OPRM1: variants seen among roughly 807,000 people sequenced by gnomAD.
OPRM1 encodes mu-type opioid receptor.
A neutral mutation model predicts 31.8 loss-of-function variants in OPRM1; 27 were observed. That is an observed-to-expected ratio of 0.85 (90% confidence interval 0.63 to 1.17). OPRM1 has a LOEUF of 1.17. Among genes scored for constraint, OPRM1 ranks in the 50% most tolerant of loss-of-function variants. The pLI is 0.00. For synonymous variants in OPRM1, 196 were observed against 189.9 expected, an observed-to-expected ratio of 1.03 and a Z score of -0.26; for missense variants, 536 against 511.1, an observed-to-expected ratio of 1.05 and a Z score of -0.47.
intron 1 of OPRM1, among the ~76,000 whole-genome samples, chr6:154,021,861 A>G (rs145880631): frequency 0.027 from 4,057 of 151,474 alleles, 168 homozygotes; most frequent in African/African-American, 0.094. Flanking sequence ...TTTTTGGTCA[A>G]CTCTTTCAGA....
rs1186937289 is a variant in OPRM1, at chr6:154,121,664, C to T, written c.*2943C>T. Among the ~76,000 whole-genome samples, 3 of 152,168 alleles carry T rather than the reference C, an allele frequency of 2.0e-5. No individual in the cohort carries two copies. The highest frequency in any genetic ancestry group is 4.4e-5 in the Non-Finnish European group (3 of 68,028). ...ATTACCCAAAAGATGCTAACAAATT[C>T]TGTTTCCCACATTGTCACAGCATGC... On this transcript the variant is annotated 3_prime_UTR_variant, in exon 4 of 4. Transcript: ENST00000330432.
rs944374376 is a variant in OPRM1, at chr6:154,138,025, C to T, written c.1164+46553C>T. ...AGATATAAAAAGACATAGTCTTCCC[C>T]TTCAAGGACTTCTGAGCCCAGTAGA... On this transcript the variant is annotated intron_variant, in intron 3 of 3. Transcript: ENST00000337049. 5.3e-5 allele frequency among the ~76,000 whole-genome samples: 8 copies of T among 152,178 alleles called. No individual in the cohort carries two copies. The East Asian group carries it at 1.5e-3, about 29-fold the overall frequency.
At chr6:154,201,165 T>C (rs1777039177) in intron 3 of OPRM1, among the ~76,000 whole-genome samples, 1 of 152,196 alleles carries the variant, frequency 6.6e-6, no homozygotes, top group African/African-American at 2.4e-5. Flanking sequence ...GAACTGTGAG[T>C]CAATTAAAAT....
rs904556180 is a variant in OPRM1, at chr6:154,130,460, G to T, written c.*11739G>T. Among the ~76,000 whole-genome samples the T allele has an allele frequency of 6.6e-6, 1 of 151,948 alleles. No homozygotes were observed. The highest frequency in any genetic ancestry group is 2.4e-5 in the African/African-American group (1 of 41,354). On this transcript the variant is annotated 3_prime_UTR_variant, in exon 4 of 4. Transcript: ENST00000330432. ...TGGGATTACAGGTGTGAGCCACTGC[G>T]CCTGGCCAGAAATGTTTAAAATTTC...
At chr6:154,050,045 C>T (rs550065578) in intron 1 of OPRM1, among the ~76,000 whole-genome samples, 8 of 152,164 alleles carry the variant, frequency 5.3e-5, no homozygotes, top group Non-Finnish European at 1.0e-4. Context: ...TTCCTTCCTC[C>T]TCTATTTCTT....
intron 1 of OPRM1, among the ~76,000 whole-genome samples, chr6:154,073,025 T>C (rs1000886690): frequency 2.6e-5 from 4 of 152,166 alleles, no homozygotes; most frequent in African/African-American, 9.7e-5. Context: ...AATAGCTAAG[T>C]CACTCCTCCT....
intron 3 of OPRM1, among the ~76,000 whole-genome samples, chr6:154,228,022 G>A (rs1483458555): frequency 2.0e-5 from 3 of 151,914 alleles, no homozygotes; most frequent in Admixed American, 6.6e-5. Flanking sequence ...CAATCACAGA[G>A]GGCAAATCTT....
At chr6:154,094,643 T>G (rs973553383) in intron 3 of OPRM1, among the ~76,000 whole-genome samples, 3 of 152,026 alleles carry the variant, frequency 2.0e-5, no homozygotes, top group African/African-American at 7.2e-5. Context: ...TACCCCAGCC[T>G]TGTTCTCATG....
intron 1 of OPRM1, among the ~76,000 whole-genome samples, chr6:154,029,800 T>C (rs915592189): frequency 1.3e-5 from 2 of 152,176 alleles, no homozygotes; most frequent in African/African-American, 4.8e-5. Flanking sequence ...TCATGAGATC[T>C]GATGGTTTTA....
exon 1 of OPRM1, chr6:154,010,700 G>C: frequency 6.9e-7 from 1 of 1,439,610 alleles, no homozygotes; most frequent in Non-Finnish European, 9.1e-7. Flanking sequence ...GGTCAGACAG[G>C]CTTCTGGATT....
At chr6:154,118,648 A>T in intron 3 of OPRM1, 35 bp from the exon 4 acceptor site, 1 of 1,607,728 alleles carries the variant, frequency 6.2e-7, no homozygotes, top group Non-Finnish European at 8.5e-7. Flanking sequence ...CCGTATCTGA[A>T]ATGTTCACTG....
chr6:154,034,749 G>A (rs1427466229), upstream of OPRM1, among the ~76,000 whole-genome samples: 2 of 152,078 alleles, frequency 1.3e-5, no homozygotes, highest in Non-Finnish European at 2.9e-5. Context: ...AAAGTGATAA[G>A]GGGCTGTACT....
At chr6:154,061,171 ACAAAATCCTTGG>A (rs1211247670) in intron 1 of OPRM1, among the ~76,000 whole-genome samples, 1 of 152,198 alleles carries the variant, frequency 6.6e-6, no homozygotes, top group African/African-American at 2.4e-5. Flanking sequence ...ACCATCAGAG[ACAAAATCCTTGG>A]CAAAATGGGC....
rs1583427325 is a variant in OPRM1, at chr6:154,082,487, T to C, written c.291-7339T>C. On this transcript the variant is annotated intron_variant, in intron 1 of 3. Coordinates refer to ENST00000330432, the MANE Select transcript of OPRM1 (RefSeq NM_000914.5). ...TAAAATCTACAGCATATGTTTGCAC[T>C]TCTACAAAAGGTAATTTTCTAATAT... 3.9e-5 allele frequency among the ~76,000 whole-genome samples: 6 copies of C among 152,336 alleles called. No individual in the cohort carries two copies. The South Asian group carries it at 6.2e-4, about 16-fold the overall frequency.
chr6:154,156,341 C>T (rs2128543968), intron 3 of OPRM1: 1 of 152,352 alleles, frequency 6.6e-6, no homozygotes, highest in Non-Finnish European at 1.5e-5. Context: ...CGCTCCCAGT[C>T]AAACTTCTTG....
intron 3 of OPRM1, among the ~76,000 whole-genome samples, chr6:154,203,286 G>A (rs1287083936): frequency 6.6e-6 from 1 of 152,098 alleles, no homozygotes; most frequent in African/African-American, 2.4e-5. Flanking sequence ...ACTCCTCCAG[G>A]AAGCCTTCTC....
At chr6:154,110,908 A>AAAAAG (rs1554278290) in intron 3 of OPRM1, among the ~76,000 whole-genome samples, 12 of 110,702 alleles carry the variant, frequency 1.1e-4, no homozygotes, top group African/African-American at 3.1e-4. Context: ...AAAAAAAAAA[A>AAAAAG]AGAGAGAATT....
chr6:154,240,821 G>GAGA (rs1780519741), intron 3 of OPRM1, among the ~76,000 whole-genome samples: 1 of 152,172 alleles, frequency 6.6e-6, no homozygotes, highest in Non-Finnish European at 1.5e-5. Flanking sequence ...GAAAGCAAAG[G>GAGA]AGAAACACAA....
chr6:154,019,311 C>T (rs910682865), intron 1 of OPRM1, among the ~76,000 whole-genome samples: 1 of 150,058 alleles, frequency 6.7e-6, no homozygotes, highest in Admixed American at 6.6e-5. Flanking sequence ...CCATTGCTCC[C>T]TCACACACAC....
Sources: allele counts gnomAD v4.1 joint callset (sites outside exome capture counted in the v4.1 genomes callset), GRCh38; gene constraint gnomAD v4.1.1; transcripts MANE v1.5; gene names NCBI Gene and HGNC (gene_info 2026-07-23, HGNC 2026-07-21).